FGD4: variants seen among roughly 807,000 people sequenced by gnomAD.
FGD4 encodes FYVE, RhoGEF and PH domain-containing protein 4.
A neutral mutation model predicts 102.0 loss-of-function variants in FGD4; 42 were observed. That is an observed-to-expected ratio of 0.41 (90% CI 0.32 to 0.53). The LOEUF (loss-of-function observed/expected upper bound fraction) is 0.53, where lower values mean the gene tolerates loss of function less well. Ranked by LOEUF, FGD4 falls within the 20% of genes least tolerant of loss-of-function variation. The pLI is 0.21. For synonymous variants in FGD4, 380 were observed against 375.7 expected (o/e 1.01, Z -0.13); for missense variants, 902 against 1,078.2 (o/e 0.84, Z 2.29).
chr12:32,623,632 A>G (rs1030954120), intron 11 of FGD4, among the ~76,000 whole-genome samples: 1 of 152,170 alleles, frequency 6.6e-6, no homozygotes, highest in African/African-American at 2.4e-5. Context: ...GCACACTCTG[A>G]TCCTCTTCAG....
intron 6 of FGD4, 106 bp downstream of exon 6, chr12:32,601,529 T>C (rs1304801297): frequency 5.9e-6 from 8 of 1,355,612 alleles, no homozygotes; most frequent in Non-Finnish European, 7.9e-6. Context: ...TAGACATTTA[T>C]GCTAAATTTT....
In FGD4 at chr12:32,399,677, G is replaced by C; in HGVS notation, c.-117G>C. 6.9e-7 allele frequency: 1 copy of C among 1,454,768 alleles called. No individual in the cohort carries two copies. Among genetic ancestry groups the C allele is most frequent in the Non-Finnish European group, 9.0e-7 (1 of 1,113,814 alleles). The allele number at this position is 1,454,768 out of a possible 1,614,324, so 90.1% of individuals were successfully genotyped here. Reference sequence around the variant, plus strand: ...AGGCACTCGCTGAGGAGACGCCGCAGTAGAGGGCGCCCCCGGAGTCGCGCC... The same window carrying C: ...AGGCACTCGCTGAGGAGACGCCGCACTAGAGGGCGCCCCCGGAGTCGCGCC... On this transcript the variant is annotated 5_prime_UTR_variant, in exon 1 of 17. Coordinates refer to ENST00000534526, the MANE Select transcript of FGD4 (RefSeq NM_001370298.3).
At chr12:32,575,339 C>T (rs1946041224) in intron 2 of FGD4, among the ~76,000 whole-genome samples, 1 of 152,086 alleles carries the variant, frequency 6.6e-6, no homozygotes, top group Non-Finnish European at 1.5e-5. Flanking sequence ...CCATTCATGG[C>T]AGAAGATAAA....
At chr12:32,458,234 A>G (rs1345437768) in intron 1 of FGD4, among the ~76,000 whole-genome samples, 1 of 151,310 alleles carries the variant, frequency 6.6e-6, no homozygotes, top group Admixed American at 6.6e-5. Context: ...CAGTACTGTG[A>G]TCATTGCTCA....
At chr12:32,471,778 G>A (rs1317860109) in intron 1 of FGD4, among the ~76,000 whole-genome samples, 1 of 152,130 alleles carries the variant, frequency 6.6e-6, no homozygotes, top group African/African-American at 2.4e-5. Context: ...GTGGTATCTG[G>A]ATTCCAACAG....
chr12:32,489,610 G>A (rs879494571), intron 1 of FGD4, among the ~76,000 whole-genome samples: 7 of 152,208 alleles, frequency 4.6e-5, no homozygotes, highest in Non-Finnish European at 7.3e-5. Flanking sequence ...ATGTATAAAA[G>A]GGGTTGATGA....
chr12:32,585,593 T>G (rs993102658), intron 4 of FGD4, among the ~76,000 whole-genome samples: 11 of 151,820 alleles, frequency 7.2e-5, no homozygotes, highest in African/African-American at 2.4e-4. Context: ...CCCAGCACTT[T>G]GGGAGGCTAC....
At chr12:32,504,764 A>G (rs1423977751) in intron 1 of FGD4, among the ~76,000 whole-genome samples, 3 of 152,234 alleles carry the variant, frequency 2.0e-5, no homozygotes, top group Non-Finnish European at 2.9e-5. Context: ...GAGTGATTCA[A>G]ATCCATGAAC....
At chr12:32,509,577 T>C (rs571390453) in intron 1 of FGD4, among the ~76,000 whole-genome samples, 2 of 152,364 alleles carry the variant, frequency 1.3e-5, no homozygotes, top group East Asian at 3.9e-4. Context: ...ATACTTCAGA[T>C]GACACTCTAA....
At chr12:32,403,135 AAAAACTG>A (rs1338823294) in intron 1 of FGD4, among the ~76,000 whole-genome samples, 2 of 152,208 alleles carry the variant, frequency 1.3e-5, no homozygotes, top group East Asian at 3.8e-4. Flanking sequence ...AAGAAGGAAC[AAAAACTG>A]AAAACTCAAG....
At chr12:32,444,492 T>C (rs117286167) in intron 1 of FGD4, among the ~76,000 whole-genome samples, 5,806 of 152,074 alleles carry the variant, frequency 0.038, 174 homozygotes, top group South Asian at 0.12. Context: ...ACAATCTCCG[T>C]CTCCCGGGTT....
rs61748364 is a variant in FGD4, at chr12:32,624,993, C to T, written c.1971C>T (p.Ile657=). The T allele has an allele frequency of 8.5e-3, 13,643 of 1,613,006 alleles. 74 individuals are homozygous for T. Among genetic ancestry groups the T allele is most frequent in the Non-Finnish European group, 1.0e-2 (11,776 of 1,179,298 alleles). ...EEWIKALQET[I]DAFHQRHETF... Reference sequence around the variant, plus strand: ...TACTTTAGGCCCTTCAAGAAACCATCGATGCTTTTCATCAAAGGCATGAAA... The same window carrying T: ...TACTTTAGGCCCTTCAAGAAACCATTGATGCTTTTCATCAAAGGCATGAAA... Residue 657 remains isoleucine (I), a synonymous_variant, in exon 13 of 17, where the codon ATC becomes ATT. Coordinates refer to ENST00000534526, the MANE Select transcript of FGD4 (RefSeq NM_001370298.3).
At chr12:32,624,577 C>CTT in intron 12 of FGD4, 125 bp downstream of exon 12, 4 of 807,204 alleles carry the variant, frequency 5.0e-6, no homozygotes, top group Non-Finnish European at 8.2e-6. Context: ...CTCAAGCAAG[C>CTT]CTTGCATCTC....
chr12:32,599,708 C>T (rs1042397569), intron 5 of FGD4, among the ~76,000 whole-genome samples: 10 of 150,276 alleles, frequency 6.7e-5, no homozygotes, highest in Non-Finnish European at 1.5e-4. Context: ...CCACCCACGC[C>T]CGGCTAATTT....
At chr12:32,469,588 A>G (rs553860814) in intron 1 of FGD4, among the ~76,000 whole-genome samples, 32 of 149,942 alleles carry the variant, frequency 2.1e-4, no homozygotes, top group African/African-American at 7.8e-4. Flanking sequence ...GCCATTTGCT[A>G]TCTTTTTAAA....
intron 1 of FGD4, among the ~76,000 whole-genome samples, chr12:32,550,512 A>G (rs1372491026): frequency 6.6e-6 from 1 of 151,728 alleles, no homozygotes; most frequent in Non-Finnish European, 1.5e-5. Context: ...TCTACAAAAT[A>G]TTTTTTAAAA....
intron 10 of FGD4, among the ~76,000 whole-genome samples, chr12:32,617,734 A>C (rs1024843326): frequency 6.6e-6 from 1 of 152,234 alleles, no homozygotes; most frequent in Non-Finnish European, 1.5e-5. Flanking sequence ...GGGAAACCCA[A>C]AGAGAAGTAA....
intron 1 of FGD4, among the ~76,000 whole-genome samples, chr12:32,526,125 G>A (rs904462168): frequency 6.6e-6 from 1 of 152,254 alleles, no homozygotes; most frequent in Non-Finnish European, 1.5e-5. Context: ...GGTGAAGCCA[G>A]CTGGGCTCCT....
At chr12:32,630,892 G>A (rs1341601491) in intron 14 of FGD4, among the ~76,000 whole-genome samples, 6 of 151,844 alleles carry the variant, frequency 4.0e-5, no homozygotes, top group African/African-American at 1.2e-4. Flanking sequence ...GTGGGAGGAC[G>A]GCTTGAGCTC....
Sources: allele counts gnomAD v4.1 joint callset (sites outside exome capture counted in the v4.1 genomes callset), GRCh38; gene constraint gnomAD v4.1.1; transcripts MANE v1.5; gene names NCBI Gene and HGNC (gene_info 2026-07-23, HGNC 2026-07-21).